Variants in FBXL7 observed in about 807,000 individuals in gnomAD.
The protein encoded by FBXL7 is F-box and leucine rich repeat protein 7.
In FBXL7, 12 loss-of-function variants were observed where a neutral mutation model predicts 38.3. That is an observed-to-expected ratio of 0.31 (90% confidence interval 0.20 to 0.51). The LOEUF is 0.51. FBXL7 is among the 20% of genes least tolerant of loss of function. The probability of loss-of-function intolerance (pLI) is 0.98; values close to 1 mark genes in which losing one functional copy is unlikely to be tolerated. For missense variants in FBXL7, 567 were observed against 676.4 expected (o/e 0.84, Z 1.79); for synonymous variants, 297 against 300.9 (o/e 0.99, Z 0.13).
intron 2 of FBXL7, among the ~76,000 whole-genome samples, chr5:15,651,761 T>C (rs1430029030): frequency 4.6e-5 from 7 of 152,236 alleles, no homozygotes; most frequent in Non-Finnish European, 1.0e-4. Context: ...ACCAGCTACA[T>C]TGGCCTCTAT....
chr5:15,825,616 G>C (rs1579496820), intron 2 of FBXL7, among the ~76,000 whole-genome samples: 1 of 152,174 alleles, frequency 6.6e-6, no homozygotes, highest in Non-Finnish European at 1.5e-5. Flanking sequence ...TCTCACTTCT[G>C]TTGTAATATA....
At chr5:15,668,999 A>G (rs1742373876) in intron 2 of FBXL7, among the ~76,000 whole-genome samples, 1 of 152,214 alleles carries the variant, frequency 6.6e-6, no homozygotes, top group Non-Finnish European at 1.5e-5. Context: ...TGAGGGATCA[A>G]TAAATATATG....
chr5:15,620,395 G>A (rs1740592195), intron 2 of FBXL7, among the ~76,000 whole-genome samples: 1 of 143,196 alleles, frequency 7.0e-6, no homozygotes, highest in Admixed American at 7.0e-5. Context: ...ACCACGCCCA[G>A]CTAATTTTTT....
At position 15,512,664 on chromosome 5, in the gene FBXL7, T is replaced by TTG. The variant is rs559075697; in HGVS notation, c.37+11953_37+11954dup. Among the ~76,000 whole-genome samples the TTG allele has an allele frequency of 1.1e-4, 16 of 152,326 alleles. No homozygotes were observed. The East Asian group carries it at 3.1e-3, about 29-fold the overall frequency. ...CTCTTATAGATGAAAATAGTTTTGC[T>TTG]TGTATATTTAAGGAAAAATGAAATA... On this transcript the variant is annotated intron_variant, in intron 1 of 3. Coordinates refer to ENST00000504595, the MANE Select transcript of FBXL7 (RefSeq NM_012304.5).
chr5:15,770,328 C>G (rs1736695392), intron 2 of FBXL7, among the ~76,000 whole-genome samples: 1 of 152,114 alleles, frequency 6.6e-6, no homozygotes, highest in Non-Finnish European at 1.5e-5. Flanking sequence ...GCCATGTCAG[C>G]CAGTTCTTGC....
At chr5:15,859,051 A>G (rs931922299) in intron 2 of FBXL7, among the ~76,000 whole-genome samples, 1 of 152,166 alleles carries the variant, frequency 6.6e-6, no homozygotes, top group African/African-American at 2.4e-5. Flanking sequence ...CAAATCCAAT[A>G]CTTACGATCA....
intron 2 of FBXL7, among the ~76,000 whole-genome samples, chr5:15,864,747 G>A (rs975700495): frequency 1.3e-5 from 2 of 152,300 alleles, no homozygotes; most frequent in African/African-American, 2.4e-5. Flanking sequence ...AAGACACATG[G>A]TTTACGTTGC....
chr5:15,822,622 CTT>C (rs371800054), intron 2 of FBXL7, among the ~76,000 whole-genome samples: 9 of 131,762 alleles, frequency 6.8e-5, no homozygotes, highest in South Asian at 2.5e-4. Context: ...GCTGGTTGCT[CTT>C]TTTTTTTTTT....
At chr5:15,871,331 A>G (rs1739953564) in intron 2 of FBXL7, among the ~76,000 whole-genome samples, 1 of 152,234 alleles carries the variant, frequency 6.6e-6, no homozygotes, top group Non-Finnish European at 1.5e-5. Context: ...AGATAAATCC[A>G]CGAAGATGAG....
intron 1 of FBXL7, among the ~76,000 whole-genome samples, chr5:15,544,284 AC>A (rs757997738): frequency 2.3e-4 from 35 of 152,270 alleles, no homozygotes; most frequent in South Asian, 4.1e-4. Context: ...TCTGGGGCTC[AC>A]CCGTCCTGCA....
rs1485757660 is a variant in FBXL7, at chr5:15,939,589, G to A, written c.*2403G>A. The A allele has an allele frequency of 2.0e-5, 3 of 152,518 alleles. No individual in the cohort carries two copies. Among genetic ancestry groups the A allele is most frequent in the Non-Finnish European group, 4.4e-5 (3 of 68,092 alleles). 9.4% of individuals were successfully genotyped at this position (152,518 alleles called of 1,614,324 possible). A position where few individuals can be genotyped will look rare whatever the true frequency, so the allele number is the denominator to read the frequency against. On this transcript the variant is annotated 3_prime_UTR_variant, in exon 4 of 4. Coordinates refer to ENST00000504595, the MANE Select transcript of FBXL7 (RefSeq NM_012304.5). The stretch of plus-strand genomic sequence containing the variant: ...TATGATGGAGGTTACTGGGGAAACA[G>A]CTCAGCAGATTTTTGGAGACCAAAC...
chr5:15,852,814 C>A lies in FBXL7; in HGVS notation c.128-75076C>A, dbSNP rs76413437. ...TCACCTTGAGTTTATTCCCCTTATT[C>A]TTACTAGTTCAGTTTGGCCACTGTA... On this transcript the variant is annotated intron_variant, in intron 2 of 3. Transcript: ENST00000504595. 6.5e-4 allele frequency among the ~76,000 whole-genome samples: 99 copies of A among 152,154 alleles called. 1 individual carries two copies. In the East Asian group the frequency reaches 0.016, roughly 24 times the overall value.
At chr5:15,634,508 G>C (rs557428105) in intron 2 of FBXL7, among the ~76,000 whole-genome samples, 8 of 148,884 alleles carry the variant, frequency 5.4e-5, no homozygotes, top group South Asian at 4.3e-4. Context: ...TTTTAGTTGG[G>C]GGGGGGGTTT....
At chr5:15,626,878 A>T (rs1043161872) in intron 2 of FBXL7, among the ~76,000 whole-genome samples, 2 of 152,210 alleles carry the variant, frequency 1.3e-5, no homozygotes, top group African/African-American at 4.8e-5. Context: ...TCAGTATCTT[A>T]ATTGAGTGGG....
intron 2 of FBXL7, among the ~76,000 whole-genome samples, chr5:15,772,120 A>G (rs1011710527): frequency 6.6e-6 from 1 of 152,144 alleles, no homozygotes; most frequent in Admixed American, 6.5e-5. Context: ...AAAAGCCTCA[A>G]ATAATGGATC....
At chr5:15,516,831 T>A (rs1736952752) in intron 1 of FBXL7, among the ~76,000 whole-genome samples, 1 of 152,064 alleles carries the variant, frequency 6.6e-6, no homozygotes, top group African/African-American at 2.4e-5. Context: ...TGCTGCCATG[T>A]GAGGAAGGAC....
chr5:15,558,899 C>T (rs562825671), intron 1 of FBXL7, among the ~76,000 whole-genome samples: 1 of 152,270 alleles, frequency 6.6e-6, no homozygotes, highest in East Asian at 1.9e-4. Flanking sequence ...CTGTTAGTGT[C>T]AAATCCCGGG....
intron 2 of FBXL7, among the ~76,000 whole-genome samples, chr5:15,662,581 A>G (rs558747692): frequency 3.3e-5 from 5 of 152,062 alleles, no homozygotes; most frequent in South Asian, 2.1e-4. Flanking sequence ...GCTTGTTCCT[A>G]TGTCCAGAAT....
intron 2 of FBXL7, among the ~76,000 whole-genome samples, chr5:15,842,362 T>A (rs1423933672): frequency 6.6e-6 from 1 of 152,208 alleles, no homozygotes; most frequent in African/African-American, 2.4e-5. Context: ...GGAAAGGGCG[T>A]ATTCACCCAA....
Sources: gnomAD v4.1 joint callset for allele counts (sites outside exome capture counted in the v4.1 genomes callset) on GRCh38, gnomAD v4.1.1 for gene constraint, MANE v1.5 for transcripts, NCBI Gene and HGNC (gene_info 2026-07-23, HGNC 2026-07-21) for gene names.